The following ZRANB3 variants were observed in gnomAD, a reference collection of about 807,000 sequenced individuals.
ZRANB3 encodes the protein DNA annealing helicase and endonuclease ZRANB3.
In ZRANB3, 125 loss-of-function variants were observed where a neutral mutation model predicts 133.8. The ratio of observed to expected loss-of-function variants is 0.93; its 90% CI spans 0.81 to 1.08. The LOEUF (loss-of-function observed/expected upper bound fraction) is 1.08, where lower values mean the gene tolerates loss of function less well. Among genes scored for constraint, ZRANB3 ranks in the 50% least tolerant of loss-of-function variants. The pLI is 0.00. For synonymous variants in ZRANB3, 387 were observed against 432.7 expected (o/e 0.89, Z 1.31); for missense variants, 1,229 against 1,275.5 (o/e 0.96, Z 0.56).
chr2:135,257,877 T>C (rs1467166781), intron 12 of ZRANB3, among the ~76,000 whole-genome samples: 2 of 152,228 alleles, frequency 1.3e-5, no homozygotes, highest in Non-Finnish European at 2.9e-5. Context: ...GGCCTGGCAC[T>C]TTCTGCCCCA....
chr2:135,253,096 G>C (rs1679481796), intron 12 of ZRANB3, among the ~76,000 whole-genome samples: 1 of 152,182 alleles, frequency 6.6e-6, no homozygotes, highest in Admixed American at 6.5e-5. Context: ...TTTATTAGTA[G>C]ACCTGTAAGT....
At chr2:135,484,709 A>G (rs1692010987) in intron 2 of ZRANB3, among the ~76,000 whole-genome samples, 1 of 150,272 alleles carries the variant, frequency 6.7e-6, no homozygotes, top group Non-Finnish European at 1.5e-5. Context: ...TATTTAATAA[A>G]TATTAATAAA....
intron 1 of ZRANB3, among the ~76,000 whole-genome samples, chr2:135,516,662 G>A (rs527829614): frequency 9.2e-5 from 14 of 152,078 alleles, no homozygotes; most frequent in Admixed American, 5.2e-4. Context: ...GCTTCCCTTC[G>A]TTACCCAGGT....
intron 1 of ZRANB3, among the ~76,000 whole-genome samples, chr2:135,505,209 T>G (rs1345990116): frequency 6.6e-6 from 1 of 152,128 alleles, no homozygotes; most frequent in Non-Finnish European, 1.5e-5. Context: ...TACACTATAA[T>G]GCCTATCAAA....
chr2:135,266,000 G>A (rs1257128111), intron 11 of ZRANB3, among the ~76,000 whole-genome samples: 1 of 152,130 alleles, frequency 6.6e-6, no homozygotes, highest in African/African-American at 2.4e-5. Context: ...CCTGAGGTCA[G>A]GAGTTTGAGA....
rs574212872 is a variant in ZRANB3, at chr2:135,499,501, A to G, written c.161+4828T>C. Among the ~76,000 whole-genome samples, 33 of 152,318 alleles carry G rather than the reference A, an allele frequency of 2.2e-4. No individual in the cohort carries two copies. In the South Asian group the frequency reaches 5.8e-3, roughly 27 times the overall value. On this transcript the variant is annotated intron_variant, in intron 2 of 20. Transcript: ENST00000264159. ...ATGACAAAAGGACTCCTACAAAACA[A>G]TAAGAAAAAGGCAAATAGACAATCC... is the stretch of plus-strand genomic sequence containing the variant.
intron 12 of ZRANB3, among the ~76,000 whole-genome samples, chr2:135,250,051 G>A (rs1461670734): frequency 1.3e-5 from 2 of 152,202 alleles, no homozygotes; most frequent in Non-Finnish European, 2.9e-5. Context: ...TTGTTGAATG[G>A]CTGTGCCCAA....
chr2:135,317,996 G>A (rs1049444700), intron 6 of ZRANB3, among the ~76,000 whole-genome samples: 2 of 152,096 alleles, frequency 1.3e-5, no homozygotes, highest in African/African-American at 2.4e-5. Context: ...AGGACTAGAA[G>A]AGGTGCCACC....
chr2:135,319,300 A>G (rs2104831774), intron 6 of ZRANB3, among the ~76,000 whole-genome samples: 1 of 152,356 alleles, frequency 6.6e-6, no homozygotes, highest in South Asian at 2.1e-4. Context: ...TTTTTAATTA[A>G]CCACTTATCA....
chr2:135,400,159 G>C (rs1372043813), intron 2 of ZRANB3, among the ~76,000 whole-genome samples: 1 of 152,056 alleles, frequency 6.6e-6, no homozygotes, highest in Non-Finnish European at 1.5e-5. Flanking sequence ...AGAATTGCTT[G>C]AATCTGGGAG....
intron 17 of ZRANB3, among the ~76,000 whole-genome samples, chr2:135,214,366 A>C (rs1264952338): frequency 6.6e-6 from 1 of 152,048 alleles, no homozygotes; most frequent in East Asian, 1.9e-4. Context: ...GCTTGTTAAC[A>C]CAAGTTATAT....
At chr2:135,381,452 G>C (rs1474326608) in intron 3 of ZRANB3, among the ~76,000 whole-genome samples, 2 of 152,234 alleles carry the variant, frequency 1.3e-5, no homozygotes, top group Admixed American at 6.5e-5. Flanking sequence ...AAAGGCAGCA[G>C]AAACCTCTGG....
rs141165745 is a variant in ZRANB3, at chr2:135,222,973, G to C, written c.2250+1453C>G. ...AAAAACAAACAAACAAACAAAAAAC[G>C]GCCAGGTGGGTGGCTCACACCTGTA... On this transcript the variant is annotated intron_variant, in intron 15 of 20. Coordinates refer to ENST00000264159, the MANE Select transcript of ZRANB3 (RefSeq NM_032143.4). Among the ~76,000 whole-genome samples, 71 of 151,976 alleles carry C rather than the reference G, an allele frequency of 4.7e-4. 2 individuals carry two copies. The East Asian group carries it at 0.013, about 29-fold the overall frequency.
At chr2:135,249,113 T>C (rs1346000258) in intron 12 of ZRANB3, among the ~76,000 whole-genome samples, 1 of 152,148 alleles carries the variant, frequency 6.6e-6, no homozygotes, top group African/African-American at 2.4e-5. Context: ...GTGGGCAAGG[T>C]TGCAGAGAAA....
rs1157993699 is a variant in ZRANB3 at position 135,230,852 on chromosome 2, AGGAG to A, written c.1611_1614del (p.Ser538ValfsTer13). On this transcript the variant is annotated frameshift_variant, in exon 13 of 21. Coordinates refer to ENST00000264159, the MANE Select transcript of ZRANB3 (RefSeq NM_032143.4). LOFTEE classifies it high-confidence loss of function. Reference sequence around the variant, plus strand: ...TCCCGGAATCTCTTTGATTCGTCACAGGAGGTCATCAACTGTCTTTTTTTAGGTT... The same window carrying A: ...TCCCGGAATCTCTTTGATTCGTCACAGTCATCAACTGTCTTTTTTTAGGTT... The A allele has an allele frequency of 2.1e-5, 34 of 1,609,850 alleles. No individual in the cohort carries two copies. The highest frequency in any genetic ancestry group is 2.7e-5 in the Non-Finnish European group (32 of 1,178,778).
intron 6 of ZRANB3, among the ~76,000 whole-genome samples, chr2:135,332,611 T>C (rs189844208): frequency 6.6e-6 from 1 of 152,236 alleles, no homozygotes; most frequent in Admixed American, 6.5e-5. Flanking sequence ...TTCCTCACAC[T>C]CATTGTCTTC....
At chr2:135,224,116 A>G (rs1694662292) in intron 15 of ZRANB3, among the ~76,000 whole-genome samples, 1 of 152,206 alleles carries the variant, frequency 6.6e-6, no homozygotes, top group Non-Finnish European at 1.5e-5. Flanking sequence ...TAATAATCAC[A>G]TCAGGGTAAA....
chr2:135,493,143 ATATATATATATATAT>A, intron 2 of ZRANB3, among the ~76,000 whole-genome samples: 1 of 65,282 alleles, frequency 1.5e-5, no homozygotes, highest in African/African-American at 7.3e-5. Flanking sequence ...ATATATATAT[ATATATATATATATAT>A]ATATATATAT....
intron 12 of ZRANB3, among the ~76,000 whole-genome samples, chr2:135,251,746 C>T (rs906893267): frequency 4.6e-5 from 7 of 152,242 alleles, no homozygotes; most frequent in Admixed American, 3.3e-4. Context: ...CCAATTAAAC[C>T]TCTTTTTCCG....
Sources: gnomAD v4.1 joint callset for allele counts (sites outside exome capture counted in the v4.1 genomes callset) on GRCh38, gnomAD v4.1.1 for gene constraint, MANE v1.5 for transcripts, NCBI Gene and HGNC (gene_info 2026-07-23, HGNC 2026-07-21) for gene names.